AK7: variants seen among roughly 807,000 people sequenced by gnomAD.
The protein encoded by AK7 is ATP-AMP transphosphorylase 7.
In AK7, 78 loss-of-function variants were observed where a neutral mutation model predicts 96.6. That is an observed-to-expected ratio of 0.81 (90% CI 0.67 to 0.97). The LOEUF is 0.97. Among genes scored for constraint, AK7 ranks in the 50% least tolerant of loss-of-function variants. The pLI is 0.00. For synonymous variants in AK7, 302 were observed against 317.2 expected, an observed-to-expected ratio of 0.95 and a Z score of 0.51; for missense variants, 855 against 887.9, an observed-to-expected ratio of 0.96 and a Z score of 0.47.
intron 5 of AK7, among the ~76,000 whole-genome samples, chr14:96,436,251 A>G (rs1225325322): frequency 6.6e-6 from 1 of 152,156 alleles, no homozygotes; most frequent in Non-Finnish European, 1.5e-5. Flanking sequence ...CAATTTTTAA[A>G]ATCTCTATTG....
chr14:96,460,925 A>G (rs1450479073), intron 12 of AK7, among the ~76,000 whole-genome samples: 1 of 152,162 alleles, frequency 6.6e-6, no homozygotes, highest in Non-Finnish European at 1.5e-5. Flanking sequence ...CCACCAGATC[A>G]ACCTAGTTTT....
chr14:96,452,568 C>A (rs1329867592), intron 10 of AK7, among the ~76,000 whole-genome samples: 1 of 152,178 alleles, frequency 6.6e-6, no homozygotes. Context: ...TCAAGCGATC[C>A]GCCTGCGTTG....
intron 1 of AK7, among the ~76,000 whole-genome samples, chr14:96,393,027 A>G (rs929769621): frequency 1.3e-5 from 2 of 152,156 alleles, no homozygotes; most frequent in African/African-American, 4.8e-5. Flanking sequence ...CCTTCAATAT[A>G]TGGTTTTTGA....
chr14:96,424,673 A>T (rs1426880373), intron 5 of AK7, among the ~76,000 whole-genome samples: 1 of 152,232 alleles, frequency 6.6e-6, no homozygotes, highest in Non-Finnish European at 1.5e-5. Context: ...AGCATCAAAC[A>T]TTGGAAGAAA....
intron 4 of AK7, among the ~76,000 whole-genome samples, chr14:96,418,288 C>T (rs968735784): frequency 1.7e-5 from 2 of 118,526 alleles, no homozygotes; most frequent in Admixed American, 2.2e-4. Context: ...TGTGCCACTG[C>T]GCCCCACCCT....
At chr14:96,453,100 C>A (rs987248760) in intron 10 of AK7, among the ~76,000 whole-genome samples, 2 of 152,176 alleles carry the variant, frequency 1.3e-5, no homozygotes, top group East Asian at 3.9e-4. Flanking sequence ...TCCTTAGAAC[C>A]GTATTCTCTT....
At chr14:96,485,891 G>A (rs548266888) in intron 16 of AK7, among the ~76,000 whole-genome samples, 14 of 151,416 alleles carry the variant, frequency 9.2e-5, no homozygotes, top group African/African-American at 3.4e-4. Flanking sequence ...CGCCTCCCCG[G>A]TTCACGCCAT....
chr14:96,453,030 C>T (rs1463085331), intron 10 of AK7, among the ~76,000 whole-genome samples: 1 of 152,146 alleles, frequency 6.6e-6, no homozygotes, highest in Non-Finnish European at 1.5e-5. Context: ...GTCATCATAA[C>T]CATAATTATC....
chr14:96,454,190 G>A (rs757587740), intron 10 of AK7, among the ~76,000 whole-genome samples: 2 of 152,134 alleles, frequency 1.3e-5, no homozygotes, highest in Non-Finnish European at 2.9e-5. Flanking sequence ...AACCAACTTG[G>A]TGGATGAAAT....
chr14:96,420,055 G>A (rs528841413), intron 4 of AK7, among the ~76,000 whole-genome samples: 3 of 151,464 alleles, frequency 2.0e-5, no homozygotes, highest in Admixed American at 6.6e-5. Context: ...TAGTAGAGAC[G>A]GGGTTTCATC....
intron 3 of AK7, among the ~76,000 whole-genome samples, chr14:96,405,250 A>G (rs7147484): frequency 0.13 from 19,786 of 152,156 alleles, 1,414 homozygotes; most frequent in South Asian, 0.27. Flanking sequence ...TGACCTGATC[A>G]TAGCTCACTA....
rs187256258 is a variant in AK7, at chr14:96,424,316, G to A, written c.609+3384G>A. On this transcript the variant is annotated intron_variant, in intron 5 of 17. Coordinates refer to ENST00000267584, the MANE Select transcript of AK7 (RefSeq NM_152327.5). ...TCTCCGCCAGCTGAAAAATTACAGA[G>A]GGCTTACTGTGTTCTCAGTATTTTA... 5 of 386,832 alleles carry A rather than the reference G, an allele frequency of 1.3e-5. No homozygotes were observed. The East Asian group carries it at 3.4e-4, about 26-fold the overall frequency. 24.0% of individuals were successfully genotyped at this position (386,832 alleles called of 1,614,324 possible).
chr14:96,411,703 T>C (rs1212610499), intron 4 of AK7, among the ~76,000 whole-genome samples: 3 of 152,150 alleles, frequency 2.0e-5, no homozygotes, highest in Admixed American at 1.3e-4. Flanking sequence ...GTGGGGGGTA[T>C]AGATACAACA....
intron 12 of AK7, among the ~76,000 whole-genome samples, chr14:96,466,303 C>G (rs1894564257): frequency 6.6e-6 from 1 of 151,964 alleles, no homozygotes; most frequent in South Asian, 2.1e-4. Context: ...GTGGCATGAT[C>G]TCGGCTCACT....
rs111980707 is a variant in AK7, at chr14:96,456,809, T to A, written c.1227+334T>A. 941 of 232,886 alleles carry A rather than the reference T, an allele frequency of 4.0e-3. 20 individuals carry two copies. The highest frequency in any genetic ancestry group is 0.02 in the African/African-American group (865 of 43,982). The allele number at this position is 232,886 out of a possible 1,614,324, so 14.4% of individuals were successfully genotyped here. A position where few individuals can be genotyped will look rare whatever the true frequency, so the allele number is the denominator to read the frequency against. Reference sequence around the variant, plus strand: ...CGTGGCCAACTCAGGGGTCGGGGGATGTTAGTTGATGATGGCAGAGTGGTC... The same window carrying A: ...CGTGGCCAACTCAGGGGTCGGGGGAAGTTAGTTGATGATGGCAGAGTGGTC... On this transcript the variant is annotated intron_variant, in intron 11 of 17. Transcript: ENST00000267584.
At chr14:96,392,383 G>A (rs1238887398) in intron 1 of AK7, 124 bp downstream of exon 1, 3 of 776,392 alleles carry the variant, frequency 3.9e-6, no homozygotes, top group Non-Finnish European at 6.2e-6. Flanking sequence ...CTCAGGGAGG[G>A]TCCCGCGTCC....
At chr14:96,448,583 T>C (rs1893378878) in intron 8 of AK7, among the ~76,000 whole-genome samples, 1 of 143,576 alleles carries the variant, frequency 7.0e-6, no homozygotes. Flanking sequence ...TGAGCTATAA[T>C]TGCACCACTG....
intron 10 of AK7, 76 bp downstream of exon 10, chr14:96,451,646 G>C: frequency 7.7e-7 from 1 of 1,300,810 alleles, no homozygotes; most frequent in Non-Finnish European, 9.9e-7. Flanking sequence ...TGATGCCAAC[G>C]GAAGTATTTG....
At chr14:96,432,296 G>T (rs1448076190) in intron 5 of AK7, among the ~76,000 whole-genome samples, 2 of 150,772 alleles carry the variant, frequency 1.3e-5, no homozygotes, top group Non-Finnish European at 3.0e-5. Context: ...ACATGAGATG[G>T]GTCCCCTGAA....
Sources: gnomAD v4.1 joint callset for allele counts (sites outside exome capture counted in the v4.1 genomes callset) on GRCh38, gnomAD v4.1.1 for gene constraint, MANE v1.5 for transcripts, NCBI Gene and HGNC (gene_info 2026-07-23, HGNC 2026-07-21) for gene names.